GABRA2: variants seen among roughly 807,000 people sequenced by gnomAD.
The protein encoded by GABRA2 is gamma-aminobutyric acid type A receptor subunit alpha2, also known as gamma-aminobutyric acid receptor subunit alpha-2.
A neutral mutation model predicts 48.7 loss-of-function variants in GABRA2; 16 were observed. The ratio of observed to expected loss-of-function variants is 0.33; its 90% CI spans 0.22 to 0.50. GABRA2 has a LOEUF of 0.50. Among genes scored for constraint, GABRA2 ranks in the 20% least tolerant of loss-of-function variants. The probability of loss-of-function intolerance (pLI) is 0.98; values close to 1 mark genes in which losing one functional copy is unlikely to be tolerated. For missense variants in GABRA2, 275 were observed against 535.6 expected, an observed-to-expected ratio of 0.51 and a Z score of 4.80; for synonymous variants, 185 against 184.5, an observed-to-expected ratio of 1.00 and a Z score of -0.02.
chr4:46,291,835 T>A (rs1006964389), intron 8 of GABRA2, among the ~76,000 whole-genome samples: 3 of 150,912 alleles, frequency 2.0e-5, no homozygotes, highest in Non-Finnish European at 4.4e-5. Context: ...TCCTATTAGT[T>A]CTGTCCCTCT....
chr4:46,252,948 A>G (rs1449218591), intron 9 of GABRA2, among the ~76,000 whole-genome samples: 1 of 151,396 alleles, frequency 6.6e-6, no homozygotes, highest in Non-Finnish European at 1.5e-5. Flanking sequence ...TGAGAAACAT[A>G]TATTCTCCTA....
chr4:46,367,103 A>G (rs1163363588), intron 3 of GABRA2: 1 of 152,110 alleles, frequency 6.6e-6, no homozygotes, highest in African/African-American at 2.4e-5. Flanking sequence ...AATGGTTCTA[A>G]TTTTATGTGC....
At chr4:46,332,994 T>G (rs1257592607) in intron 3 of GABRA2, among the ~76,000 whole-genome samples, 1 of 152,140 alleles carries the variant, frequency 6.6e-6, no homozygotes, top group East Asian at 1.9e-4. Context: ...TGAAATAGTT[T>G]ATAATAAATG....
intron 8 of GABRA2, among the ~76,000 whole-genome samples, chr4:46,270,666 C>T (rs1719145220): frequency 6.6e-6 from 1 of 151,868 alleles, no homozygotes; most frequent in Non-Finnish European, 1.5e-5. Context: ...TGTGATTATT[C>T]CCCATGCACA....
intron 8 of GABRA2, among the ~76,000 whole-genome samples, chr4:46,289,561 GGGA>G (rs1723190590): frequency 6.6e-6 from 1 of 152,148 alleles, no homozygotes; most frequent in African/African-American, 2.4e-5. Flanking sequence ...GGTAGAGGGT[GGGA>G]GGAGGGAGAG....
At chr4:46,332,457 C>G (rs1333456480) in intron 4 of GABRA2, among the ~76,000 whole-genome samples, 158 bp downstream of exon 4, 1 of 151,954 alleles carries the variant, frequency 6.6e-6, no homozygotes, top group Non-Finnish European at 1.5e-5. Flanking sequence ...AAATGGAAAC[C>G]ATAGATCCAA....
chr4:46,303,431 G>A (rs754414703), intron 8 of GABRA2, 29 bp downstream of exon 8: 8 of 1,579,464 alleles, frequency 5.1e-6, no homozygotes, highest in South Asian at 1.1e-5. Flanking sequence ...AACATAATGT[G>A]CTGTACTGCA....
At chr4:46,312,373 T>C in intron 5 of GABRA2, 123 bp downstream of exon 5, 1 of 606,496 alleles carries the variant, frequency 1.6e-6, no homozygotes, top group East Asian at 3.0e-5. Flanking sequence ...ATATTATTGG[T>C]ACTTCAATAA....
At chr4:46,377,265 G>A (rs1485151413) in intron 3 of GABRA2, among the ~76,000 whole-genome samples, 1 of 149,550 alleles carries the variant, frequency 6.7e-6, no homozygotes, top group Non-Finnish European at 1.5e-5. Context: ...TCTCTGCCCG[G>A]CCGCCATCCC....
chr4:46,249,959 A>C lies in GABRA2; in HGVS notation c.*349T>G. 5.4e-6 allele frequency: 1 copy of C among 186,508 alleles called. No homozygotes were observed. Among genetic ancestry groups the C allele is most frequent in the Non-Finnish European group, 1.1e-5 (1 of 89,612 alleles). 11.6% of individuals were successfully genotyped at this position (186,508 alleles called of 1,614,324 possible). The stretch of plus-strand genomic sequence containing the variant: ...TTAAGCAACAGTAGAAAATACCCCT[A>C]CTTAAGAGCTAAACCAAAAGGGTCC... On this transcript the variant is annotated 3_prime_UTR_variant, in exon 10 of 10. Coordinates refer to ENST00000381620, the MANE Select transcript of GABRA2 (RefSeq NM_000807.4).
chr4:46,377,373 A>G (rs1194281554), intron 3 of GABRA2, among the ~76,000 whole-genome samples: 2 of 132,672 alleles, frequency 1.5e-5, no homozygotes, highest in Admixed American at 7.5e-5. Flanking sequence ...TGTGGGGAGC[A>G]CCTCTGCCCT....
chr4:46,323,381 C>G (rs1176847035), intron 4 of GABRA2, among the ~76,000 whole-genome samples: 1 of 147,370 alleles, frequency 6.8e-6, no homozygotes, highest in Non-Finnish European at 1.5e-5. Context: ...GCTAGCCAAT[C>G]CTCATTTGTT....
At chr4:46,265,357 G>C (rs1236505951) in intron 8 of GABRA2, among the ~76,000 whole-genome samples, 2 of 21,060 alleles carry the variant, frequency 9.5e-5, no homozygotes, top group Non-Finnish European at 1.6e-4. Flanking sequence ...ATATGTATCT[G>C]TGTGTGTGTG....
At position 46,251,714 on chromosome 4, in the gene GABRA2, G is replaced by A. The variant is rs1030222390; in HGVS notation, c.1060-1110C>T. 3.3e-5 allele frequency among the ~76,000 whole-genome samples: 5 copies of A among 151,306 alleles called. No individual in the cohort carries two copies. In the South Asian group the frequency reaches 1.0e-3, roughly 31 times the overall value. ...TAACACTCTAATTTGTTTCCATTAC[G>A]ATATTTTTCAAAATGTGTTATTTCT... On this transcript the variant is annotated intron_variant, in intron 9 of 9. Transcript: ENST00000381620.
At chr4:46,299,127 C>G (rs1204482133) in intron 8 of GABRA2, among the ~76,000 whole-genome samples, 2 of 151,328 alleles carry the variant, frequency 1.3e-5, no homozygotes, top group Admixed American at 1.3e-4. Flanking sequence ...ATAAATAGAT[C>G]ATAAGCATAT....
At chr4:46,276,599 C>CAAAA (rs60891194) in intron 8 of GABRA2, among the ~76,000 whole-genome samples, 1 of 85,184 alleles carries the variant, frequency 1.2e-5, no homozygotes. Flanking sequence ...ACTTCAGGCT[C>CAAAA]AAAAAAAAAA....
At chr4:46,366,477 G>A (rs967445725) in intron 3 of GABRA2, 3 of 152,042 alleles carry the variant, frequency 2.0e-5, no homozygotes, top group African/African-American at 7.2e-5. Context: ...TGATTTGAGG[G>A]TGCTTAATTC....
At chr4:46,339,285 G>A (rs147219944) in intron 3 of GABRA2, among the ~76,000 whole-genome samples, 1 of 151,884 alleles carries the variant, frequency 6.6e-6, no homozygotes, top group Non-Finnish European at 1.5e-5. Flanking sequence ...TTATCCATAT[G>A]TGGCTATGTT....
intron 1 of GABRA2, chr4:46,389,033 C>T: frequency 1.8e-6 from 2 of 1,124,578 alleles, no homozygotes; most frequent in South Asian, 2.7e-5. Context: ...CACTGTTTTG[C>T]GCACACGTAA....
Sources: allele counts gnomAD v4.1 joint callset (sites outside exome capture counted in the v4.1 genomes callset), GRCh38; gene constraint gnomAD v4.1.1; transcripts MANE v1.5; gene names NCBI Gene and HGNC (gene_info 2026-07-23, HGNC 2026-07-21).